The following ZNF232 variants were observed in gnomAD, a reference collection of about 807,000 sequenced individuals.
ZNF232 encodes the protein zinc finger protein 232.
Under a neutral mutation model 25.2 loss-of-function variants are expected in ZNF232, and 25 were observed. The observed-to-expected ratio is 0.99, with a 90% CI of 0.72 to 1.39. The LOEUF is 1.39. Among genes scored for constraint, ZNF232 ranks in the 40% most tolerant of loss-of-function variants. The pLI, the probability that ZNF232 is intolerant of heterozygous loss-of-function variation, is 0.00. For missense variants in ZNF232, 519 were observed against 520.9 expected (o/e 1.00, Z 0.04); for synonymous variants, 193 against 182.9 (o/e 1.06, Z -0.45).
exon 4 of ZNF232, chr17:5,106,282 G>A: frequency 2.5e-6 from 4 of 1,614,212 alleles, no homozygotes; most frequent in Non-Finnish European, 2.5e-6. Flanking sequence ...ATTTCCTTAT[G>A]GATGACAACC....
intron 1 of ZNF232, among the ~76,000 whole-genome samples, chr17:5,118,830 C>T (rs2072588789): frequency 6.6e-6 from 1 of 152,196 alleles, no homozygotes; most frequent in Non-Finnish European, 1.5e-5. Flanking sequence ...GAAAGTCTGG[C>T]CATCTCTCTC....
exon 2 of ZNF232, chr17:5,109,428 T>C: frequency 6.2e-7 from 1 of 1,613,952 alleles, no homozygotes; most frequent in Non-Finnish European, 8.5e-7. Flanking sequence ...CTCTAAATCC[T>C]CCAGCACAGT....
chr17:5,118,719 A>C (rs1379118064), intron 1 of ZNF232, among the ~76,000 whole-genome samples: 1 of 152,108 alleles, frequency 6.6e-6, no homozygotes, highest in Non-Finnish European at 1.5e-5. Context: ...AAGGTGGAGA[A>C]TTTTACAGAG....
upstream of ZNF232, among the ~76,000 whole-genome samples, chr17:5,115,737 G>A (rs11657994): frequency 0.97 from 148,310 of 152,290 alleles, 72,354 homozygotes; most frequent in East Asian, 1. Context: ...CAGTCACTGA[G>A]GGAGGTCCCT....
exon 4 of ZNF232, chr17:5,106,020 A>C (rs769009747): frequency 1.2e-6 from 2 of 1,614,072 alleles, no homozygotes; most frequent in Admixed American, 1.7e-5. Flanking sequence ...TCCTGAGTGA[A>C]TCCTCTGATG....
intron 1 of ZNF232, chr17:5,121,342 C>G: frequency 2.9e-6 from 1 of 344,170 alleles, no homozygotes; most frequent in Non-Finnish European, 5.7e-6. Flanking sequence ...CTGAAAATCT[C>G]CTGAAACCCC....
intron 3 of ZNF232, 120 bp from the exon 4 acceptor site, chr17:5,106,653 C>T: frequency 1.2e-6 from 1 of 855,166 alleles, no homozygotes. Context: ...ATATTGCCAA[C>T]AGTTATCTCT....
chr17:5,108,636 C>A, intron 3 of ZNF232: 1 of 305,234 alleles, frequency 3.3e-6, no homozygotes, highest in Non-Finnish European at 6.3e-6. Context: ...TTTCCTGGTC[C>A]TGATTTAGGG....
upstream of ZNF232, among the ~76,000 whole-genome samples, chr17:5,115,925 C>G (rs1362445513): frequency 2.6e-5 from 4 of 152,186 alleles, no homozygotes; most frequent in Admixed American, 1.3e-4. Flanking sequence ...GCCGTCAAGG[C>G]TGGGATAGCG....
chr17:5,111,943 G>C, upstream of ZNF232: 1 of 1,426,168 alleles, frequency 7.0e-7, no homozygotes, highest in Non-Finnish European at 9.4e-7. Flanking sequence ...GCTTCCGTTC[G>C]CGGACTTTGG....
intron 1 of ZNF232, among the ~76,000 whole-genome samples, chr17:5,122,114 G>A (rs1451339434): frequency 6.6e-6 from 1 of 151,406 alleles, no homozygotes; most frequent in Non-Finnish European, 1.5e-5. Flanking sequence ...AGTGTGGCCA[G>A]AGAAGTCCTG....
intron 1 of ZNF232, among the ~76,000 whole-genome samples, chr17:5,122,234 G>A (rs567136020): frequency 3.9e-5 from 6 of 152,176 alleles, no homozygotes; most frequent in South Asian, 2.1e-4. Flanking sequence ...CAGGGTAAGC[G>A]TGACTCACAG....
chr17:5,121,521 C>T, intron 1 of ZNF232: 1 of 206,020 alleles, frequency 4.9e-6, no homozygotes, highest in East Asian at 1.4e-4. Flanking sequence ...CACCCTGTAC[C>T]TATCACCCCA....
At chr17:5,109,101 G>C in intron 2 of ZNF232, 49 bp from the exon 3 acceptor site, 6 of 1,612,214 alleles carry the variant, frequency 3.7e-6, no homozygotes, top group Non-Finnish European at 5.1e-6. Flanking sequence ...CAAATTACTA[G>C]TGTGGTTTCT....
At chr17:5,118,288 C>G (rs1317855717) in intron 1 of ZNF232, 1 of 152,584 alleles carries the variant, frequency 6.6e-6, no homozygotes, top group Non-Finnish European at 1.5e-5. Context: ...CAGGAGTGTG[C>G]AGGTGAGTGA....
upstream of ZNF232, among the ~76,000 whole-genome samples, chr17:5,115,417 G>C (rs1013920056): frequency 7.2e-5 from 11 of 152,034 alleles, no homozygotes; most frequent in Non-Finnish European, 1.6e-4. Flanking sequence ...CTGGCGTGGT[G>C]GGGGGCGCCT....
chr17:5,111,897 C>G, upstream of ZNF232: 1 of 1,593,810 alleles, frequency 6.3e-7, no homozygotes, highest in Non-Finnish European at 8.6e-7. Context: ...AGGTCGCAGC[C>G]TCGGCCTCCA....
At chr17:5,106,205 A>G (rs1567754988) in exon 4 of ZNF232, 1 of 1,614,250 alleles carries the variant, frequency 6.2e-7, no homozygotes, top group East Asian at 2.2e-5. Context: ...GGTGGACAAC[A>G]AGATGTGAGT....
Position 5,109,786 on chromosome 17 carries a change from C to T in ZNF232, c.106G>A (p.Glu36Lys), listed in dbSNP as rs140040042. ...TGTGTACCCTGAAGGGCCAGAGTTT[C>T]AGCTGCTGTTAGTGATACAGCCATC... Residue 36 changes from glutamate (E) to lysine (K), a missense_variant, in exon 2 of 4, where the codon GAA (glutamate) becomes AAA (lysine). Coordinates refer to ENST00000575898, the Ensembl canonical transcript of ZNF232. 274 of 1,614,218 alleles carry T rather than the reference C, an allele frequency of 1.7e-4. 2 individuals carry two copies. The African/African-American group carries it at 3.2e-3, about 19-fold the overall frequency.
Sources: gnomAD v4.1 joint callset for allele counts (sites outside exome capture counted in the v4.1 genomes callset) on GRCh38, gnomAD v4.1.1 for gene constraint, MANE v1.5 for transcripts, NCBI Gene and HGNC (gene_info 2026-07-23, HGNC 2026-07-21) for gene names.